Variants in ANLN observed in about 807,000 individuals in gnomAD.
ANLN encodes the protein anillin.
Under a neutral mutation model 135.1 loss-of-function variants are expected in ANLN, and 59 were observed. That is an observed-to-expected ratio of 0.44 (90% CI 0.35 to 0.54). The LOEUF (loss-of-function observed/expected upper bound fraction) is 0.54, where lower values mean the gene tolerates loss of function less well. Among genes scored for constraint, ANLN ranks in the 20% least tolerant of loss-of-function variants. ANLN has a pLI of 0.00. For missense variants in ANLN, 1,182 were observed against 1,340.0 expected, an observed-to-expected ratio of 0.88 and a Z score of 1.84; for synonymous variants, 406 against 456.4, an observed-to-expected ratio of 0.89 and a Z score of 1.41.
At chr7:36,438,547 T>C (rs1334267949) in intron 20 of ANLN, among the ~76,000 whole-genome samples, 1 of 152,148 alleles carries the variant, frequency 6.6e-6, no homozygotes, top group Non-Finnish European at 1.5e-5. Context: ...AATTTTTTCA[T>C]GTTTAATAGA....
intron 20 of ANLN, among the ~76,000 whole-genome samples, chr7:36,438,033 C>T (rs1288702636): frequency 6.6e-6 from 1 of 152,218 alleles, no homozygotes; most frequent in Non-Finnish European, 1.5e-5. Flanking sequence ...AGGTGATTCA[C>T]CCGCCTCAGC....
rs1238913792 is a variant in ANLN, at chr7:36,428,074, A to G, written c.2883+1046A>G. Among the ~76,000 whole-genome samples, 2 of 152,200 alleles carry G rather than the reference A, an allele frequency of 1.3e-5. 1 individual carries two copies. The highest frequency in any genetic ancestry group is 1.3e-4 in the Admixed American group (2 of 15,276). ...TCTCTCTAGGGTCTTGTTTTCCAGTACAGAAATATTAGTTTAGCCTGAAAC... is the reference window on the plus strand; with the variant it reads ...TCTCTCTAGGGTCTTGTTTTCCAGTGCAGAAATATTAGTTTAGCCTGAAAC... On this transcript the variant is annotated intron_variant, in intron 20 of 23. Coordinates refer to ENST00000265748, the MANE Select transcript of ANLN (RefSeq NM_018685.5).
intron 14 of ANLN, among the ~76,000 whole-genome samples, chr7:36,423,566 G>A (rs1261088949): frequency 1.3e-5 from 2 of 152,092 alleles, no homozygotes; most frequent in African/African-American, 2.4e-5. Context: ...AGCAGAAATT[G>A]AGAAATGTGG....
rs145336261 is a variant in ANLN at position 36,395,012 on chromosome 7, G to A, written c.19-1254G>A. ...TAATATTTAGTTAAATAAAACATAA[G>A]ATTATTTTGTTTTTCTTTCCTCTTA... On this transcript the variant is annotated intron_variant, in intron 1 of 23. Transcript: ENST00000265748. Among the ~76,000 whole-genome samples, 351 of 152,234 alleles carry A rather than the reference G, an allele frequency of 2.3e-3. 2 individuals carry two copies. The highest frequency in any genetic ancestry group is 7.9e-3 in the African/African-American group (330 of 41,552).
rs1160958733 is a variant in ANLN, at chr7:36,390,185, C to A, written c.18+141C>A. 4 of 1,440,616 alleles carry A rather than the reference C, an allele frequency of 2.8e-6. No homozygotes were observed. The African/African-American group carries it at 4.2e-5, about 15-fold the overall frequency. 89.2% of individuals were successfully genotyped at this position (1,440,616 alleles called of 1,614,324 possible). A position where few individuals can be genotyped will look rare whatever the true frequency, so the allele number is the denominator to read the frequency against. On this transcript the variant is annotated intron_variant, in intron 1 of 23. Coordinates refer to ENST00000265748, the MANE Select transcript of ANLN (RefSeq NM_018685.5). ...GTGCGCAGTGTGTGCGGGCCGGGGT[C>A]GCCGCGGCTGCGGCCTGCTGTGGTT...
chr7:36,435,872 CAAAAAAAAAAAAA>C (rs57379889), intron 20 of ANLN, among the ~76,000 whole-genome samples: 4 of 52,240 alleles, frequency 7.7e-5, no homozygotes, highest in African/African-American at 1.7e-4. Context: ...GACTCCGTCT[CAAAAAAAAAAAAA>C]AAAAAAAAAA....
At position 36,389,886 on chromosome 7, in the gene ANLN, G is replaced by A. The variant is rs572493352; in HGVS notation, c.-141G>A. 7.0e-5 allele frequency: 103 copies of A among 1,472,998 alleles called. No individual in the cohort carries two copies. Among genetic ancestry groups the A allele is most frequent in the Admixed American group, 3.7e-4 (21 of 57,380 alleles). The allele number at this position is 1,472,998 out of a possible 1,614,324, so 91.2% of individuals were successfully genotyped here. Reference sequence around the variant, plus strand: ...CGAGTCCGTCACTGGAAGCCGAGAGGAGAGGACAGCTGGTTGTGGGAGAGT... The same window carrying A: ...CGAGTCCGTCACTGGAAGCCGAGAGAAGAGGACAGCTGGTTGTGGGAGAGT... On this transcript the variant is annotated 5_prime_UTR_variant, in exon 1 of 24. Transcript: ENST00000265748.
chr7:36,425,970 GA>G, intron 18 of ANLN, 44 bp from the exon 19 acceptor site: 1 of 1,425,840 alleles, frequency 7.0e-7, no homozygotes, highest in Non-Finnish European at 9.6e-7. Flanking sequence ...TTAAATAAGG[GA>G]AATAACTTAT....
At position 36,421,782 on chromosome 7, in the gene ANLN, G is replaced by T. The variant is rs905183051; in HGVS notation, c.2164-75G>T. 8.0e-6 allele frequency: 11 copies of T among 1,374,334 alleles called. 1 individual carries two copies. In the African/African-American group the frequency reaches 1.6e-4, roughly 20 times the overall value. 85.1% of individuals were successfully genotyped at this position (1,374,334 alleles called of 1,614,324 possible). A position where few individuals can be genotyped will look rare whatever the true frequency, so the allele number is the denominator to read the frequency against. On this transcript the variant is annotated intron_variant, in intron 12 of 23. Transcript: ENST00000265748. ...TTCTAGAAACTATCCAATCAAGTTAGTTAGAATTAAAATTTAAAGTGAAAA... is the reference window on the plus strand; with the variant it reads ...TTCTAGAAACTATCCAATCAAGTTATTTAGAATTAAAATTTAAAGTGAAAA...
chr7:36,395,637 C>T (rs1786661704), intron 1 of ANLN, among the ~76,000 whole-genome samples: 1 of 152,108 alleles, frequency 6.6e-6, no homozygotes, highest in Admixed American at 6.5e-5. Flanking sequence ...AAACAATACT[C>T]TTATTTCTCA....
chr7:36,448,427 A>G (rs1789108424), intron 22 of ANLN, among the ~76,000 whole-genome samples: 1 of 152,162 alleles, frequency 6.6e-6, no homozygotes, highest in Non-Finnish European at 1.5e-5. Flanking sequence ...TCTCCCCACA[A>G]CACACATGCA....
At position 36,439,204 on chromosome 7, in the gene ANLN, G is replaced by T; in HGVS notation, c.2884G>T (p.Val962Phe). ...VGNTKFVLDK[V>F]PFLSSLEGHI... ...AATAATTTACCTGTTTTCTTTGCAG[G>T]TCCCCTTTTTATCTTCTTTGGAAGG... The change falls in exon 21 of 24, where the codon GTC (valine) becomes TTC (phenylalanine). Residue 962 changes from valine to phenylalanine, a missense_variant and splice_region_variant. Physicochemically the swap from Val to Phe is conservative, Grantham distance 50 (BLOSUM62 -1). Coordinates refer to ENST00000265748, the MANE Select transcript of ANLN (RefSeq NM_018685.5). The T allele has an allele frequency of 6.4e-7, 1 of 1,556,764 alleles. No individual in the cohort carries two copies. Among genetic ancestry groups the T allele is most frequent in the Admixed American group, 1.8e-5 (1 of 55,966 alleles).
At chr7:36,448,947 A>T (rs1789127318) in intron 22 of ANLN, 1 of 152,262 alleles carries the variant, frequency 6.6e-6, no homozygotes, top group South Asian at 2.1e-4. Context: ...TACTTTCACC[A>T]GTGATGCATA....
chr7:36,450,718 G>C (rs867116207), intron 23 of ANLN, among the ~76,000 whole-genome samples: 1 of 152,156 alleles, frequency 6.6e-6, no homozygotes, highest in African/African-American at 2.4e-5. Context: ...GGTGGAATCA[G>C]ACAGGGCAGG....
At chr7:36,407,676 A>G (rs777525239) in intron 4 of ANLN, 58 bp from the exon 5 acceptor site, 2 of 1,280,086 alleles carry the variant, frequency 1.6e-6, no homozygotes, top group South Asian at 1.2e-5. Context: ...TTGTTTTGTT[A>G]TAGGACTATT....
At chr7:36,409,577 C>T (rs1249962255) in intron 5 of ANLN, among the ~76,000 whole-genome samples, 1 of 152,130 alleles carries the variant, frequency 6.6e-6, no homozygotes, top group African/African-American at 2.4e-5. Context: ...TTAGAATCCT[C>T]TTAATGGGAG....
chr7:36,426,866 A>T, intron 19 of ANLN, 50 bp from the exon 20 acceptor site: 1 of 1,205,872 alleles, frequency 8.3e-7, no homozygotes, highest in Non-Finnish European at 1.2e-6. Context: ...TGTTACTTAT[A>T]CTTAACAAAA....
intron 22 of ANLN, among the ~76,000 whole-genome samples, chr7:36,448,286 A>G (rs1156297312): frequency 2.0e-5 from 3 of 152,326 alleles, no homozygotes; most frequent in South Asian, 4.1e-4. Flanking sequence ...AAGTGTTGAT[A>G]TTACAGGCAT....
intron 20 of ANLN, among the ~76,000 whole-genome samples, chr7:36,432,861 C>T (rs562199419): frequency 6.6e-6 from 1 of 152,292 alleles, no homozygotes; most frequent in South Asian, 2.1e-4. Context: ...AATACTGTTA[C>T]ACTGCTTCAT....
Sources: gnomAD v4.1 joint callset for allele counts (sites outside exome capture counted in the v4.1 genomes callset) on GRCh38, gnomAD v4.1.1 for gene constraint, MANE v1.5 for transcripts, NCBI Gene and HGNC (gene_info 2026-07-23, HGNC 2026-07-21) for gene names.